ZFPM1: variants seen among roughly 807,000 people sequenced by gnomAD.
The protein encoded by ZFPM1 is zinc finger protein, FOG family member 1, also known as zinc finger protein ZFPM1.
In ZFPM1, 28 loss-of-function variants were observed where a neutral mutation model predicts 46.3. The ratio of observed to expected loss-of-function variants is 0.60; its 90% CI spans 0.45 to 0.83. The LOEUF (loss-of-function observed/expected upper bound fraction) is 0.83, where lower values mean the gene tolerates loss of function less well. Ranked by LOEUF, ZFPM1 falls within the 40% of genes least tolerant of loss-of-function variation. The probability of loss-of-function intolerance (pLI) is 0.00; values close to 1 mark genes in which losing one functional copy is unlikely to be tolerated. For synonymous variants in ZFPM1, 957 were observed against 675.9 expected (o/e 1.42, Z -6.45); for missense variants, 1,878 against 1,432.4 (o/e 1.31, Z -5.02).
chr16:88,485,622 T>C (rs939275460), intron 1 of ZFPM1, among the ~76,000 whole-genome samples: 48 of 152,042 alleles, frequency 3.2e-4, no homozygotes, highest in African/African-American at 1.1e-3. Context: ...GTATTTTTTA[T>C]AGAGACAGGG....
At chr16:88,452,666 C>T (rs1351175545), upstream of ZFPM1, among the ~76,000 whole-genome samples, 1 of 152,280 alleles carries the variant, frequency 6.6e-6, no homozygotes. Context: ...AGCCGGTTGT[C>T]ACTGCCCCCA....
intron 3 of ZFPM1, among the ~76,000 whole-genome samples, chr16:88,505,211 GC>G (rs907176010): frequency 6.6e-6 from 1 of 152,170 alleles, no homozygotes; most frequent in African/African-American, 2.4e-5. Flanking sequence ...TGGACGCCAG[GC>G]CCAGGCTTGG....
rs1420173390 is a variant in ZFPM1 at position 88,534,131 on chromosome 16, G to C, written c.2173G>C (p.Gly725Arg). Residue 725 changes from glycine (G) to arginine (R), a missense_variant, in exon 10 of 10, where the codon GGG becomes CGG. Gly to Arg is a moderately radical substitution (Grantham distance 125, BLOSUM62 -2). Coordinates refer to ENST00000319555, the MANE Select transcript of ZFPM1 (RefSeq NM_153813.3). ...RRPAAPPGPPGPAAPPAPSPA... is the reference protein window; with the variant it reads ...RRPAAPPGPPRPAAPPAPSPA... ...ACCGGCCGCGCCCCCGGGACCCCCTGGGCCGGCCGCGCCCCCGGCCCCCTC... is the reference window on the plus strand; with the variant it reads ...ACCGGCCGCGCCCCCGGGACCCCCTCGGCCGGCCGCGCCCCCGGCCCCCTC... 4.0e-6 allele frequency: 4 copies of C among 1,002,924 alleles called. No individual in the cohort carries two copies. Among genetic ancestry groups the C allele is most frequent in the Non-Finnish European group, 4.7e-6 (4 of 842,648 alleles). 62.1% of individuals were successfully genotyped at this position (1,002,924 alleles called of 1,614,324 possible).
chr16:88,490,732 T>C (rs1489605001), intron 3 of ZFPM1, among the ~76,000 whole-genome samples: 2 of 151,982 alleles, frequency 1.3e-5, no homozygotes. Flanking sequence ...CCCGGCCCCA[T>C]GGGGAAGCTG....
chr16:88,464,905 C>G (rs559074264), intron 1 of ZFPM1, among the ~76,000 whole-genome samples: 3 of 152,212 alleles, frequency 2.0e-5, no homozygotes, highest in African/African-American at 4.8e-5. Context: ...ACCAGCGATC[C>G]GCTGCCTATC....
chr16:88,492,482 G>A (rs970307641), intron 3 of ZFPM1, among the ~76,000 whole-genome samples: 1 of 152,222 alleles, frequency 6.6e-6, no homozygotes, highest in African/African-American at 2.4e-5. Context: ...GCTTTGGGGA[G>A]GTGACTGGGC....
At chr16:88,528,304 AGGGTGGGAGCTGAGGGT>A in intron 6 of ZFPM1, 66 bp downstream of exon 6, 2 of 1,321,388 alleles carry the variant, frequency 1.5e-6, no homozygotes, top group Non-Finnish European at 2.0e-6. Context: ...AGGGCAGGAG[AGGGTGGGAGCTGAGGGT>A]GGGAAGCTCG....
rs143116811 is a variant in ZFPM1, at chr16:88,524,404, G to A, written c.403-2410G>A. Among the ~76,000 whole-genome samples, 164 of 152,328 alleles carry A rather than the reference G, an allele frequency of 1.1e-3. 1 individual carries two copies. The highest frequency in any genetic ancestry group is 8.1e-3 in the East Asian group (42 of 5,156). Reference sequence around the variant, plus strand: ...GAGCCGGCAGAGCCCCACAGCTGGCGTGCAGTTCCTGAGCCCTGCTCTGCG... The same window carrying A: ...GAGCCGGCAGAGCCCCACAGCTGGCATGCAGTTCCTGAGCCCTGCTCTGCG... On this transcript the variant is annotated intron_variant, in intron 4 of 9. Coordinates refer to ENST00000319555, the MANE Select transcript of ZFPM1 (RefSeq NM_153813.3).
intron 4 of ZFPM1, among the ~76,000 whole-genome samples, chr16:88,521,477 C>T (rs1170006784): frequency 6.6e-6 from 1 of 151,802 alleles, no homozygotes; most frequent in African/African-American, 2.4e-5. Context: ...AGGGACCCCC[C>T]GCTAAGGTAT....
rs1341858650 is a variant in ZFPM1, at chr16:88,534,154, C to A, written c.2196C>A (p.Pro732=). 2 of 1,003,458 alleles carry A rather than the reference C, an allele frequency of 2.0e-6. No homozygotes were observed. The highest frequency in any genetic ancestry group is 1.8e-5 in the African/African-American group (1 of 56,738). The allele number at this position is 1,003,458 out of a possible 1,614,324, so 62.2% of individuals were successfully genotyped here. ...CTGGGCCGGCCGCGCCCCCGGCCCC[C>A]TCTCCCGCCGCGCCTGTGCGCACGC... ...GPPGPAAPPA[P]SPAAPVRTRR... The change falls in exon 10 of 10, where the codon CCC becomes CCA. Residue 732 remains proline, a synonymous_variant. Coordinates refer to ENST00000319555, the MANE Select transcript of ZFPM1 (RefSeq NM_153813.3).
intron 1 of ZFPM1, among the ~76,000 whole-genome samples, chr16:88,454,096 T>G (rs1907424698): frequency 6.6e-6 from 1 of 152,196 alleles, no homozygotes; most frequent in Non-Finnish European, 1.5e-5. Context: ...CGGGCTGAAA[T>G]TGTGATCTTA....
chr16:88,524,445 G>C (rs905456254), intron 4 of ZFPM1, among the ~76,000 whole-genome samples: 2 of 152,188 alleles, frequency 1.3e-5, no homozygotes, highest in African/African-American at 4.8e-5. Context: ...GGGAATCACG[G>C]GGGTGTCCTT....
chr16:88,532,502 G>C (rs1173696300), intron 7 of ZFPM1, 112 bp from the exon 8 acceptor site: 3 of 1,165,466 alleles, frequency 2.6e-6, no homozygotes, highest in East Asian at 5.2e-5. Flanking sequence ...AGACCCTTCA[G>C]CACAGGGTCC....
intron 1 of ZFPM1, among the ~76,000 whole-genome samples, chr16:88,458,813 C>G (rs900560679): frequency 6.6e-6 from 1 of 152,108 alleles, no homozygotes; most frequent in South Asian, 2.1e-4. Flanking sequence ...CTCCAGACCT[C>G]GTCTGCCACC....
At chr16:88,465,640 G>T (rs370141759) in intron 1 of ZFPM1, among the ~76,000 whole-genome samples, 2 of 152,252 alleles carry the variant, frequency 1.3e-5, no homozygotes, top group Admixed American at 1.3e-4. Context: ...CCATTGGCCA[G>T]CTGGGGAGGG....
Position 88,534,178 on chromosome 16 carries a change from G to A in ZFPM1, c.2220G>A (p.Thr740=), listed in dbSNP as rs1384226535. The change falls in exon 10 of 10, where the codon ACG becomes ACA. Residue 740 remains threonine (T), a synonymous_variant. Coordinates refer to ENST00000319555, the MANE Select transcript of ZFPM1 (RefSeq NM_153813.3). ...CCTCTCCCGCCGCGCCTGTGCGCACGCGCAGACGCCGCAAGCTCTACGAGC... is the reference window on the plus strand; with the variant it reads ...CCTCTCCCGCCGCGCCTGTGCGCACACGCAGACGCCGCAAGCTCTACGAGC... ...PAPSPAAPVR[T]RRRRKLYELH... 2.0e-6 allele frequency: 2 copies of A among 986,012 alleles called. No individual in the cohort carries two copies. Among genetic ancestry groups the A allele is most frequent in the African/African-American group, 1.8e-5 (1 of 54,648 alleles). 61.1% of individuals were successfully genotyped at this position (986,012 alleles called of 1,614,324 possible). A position where few individuals can be genotyped will look rare whatever the true frequency, so the allele number is the denominator to read the frequency against.
chr16:88,533,190 G>T lies in ZFPM1; in HGVS notation c.1232G>T (p.Gly411Val), dbSNP rs560441822. The T allele has an allele frequency of 1.3e-6, 2 of 1,533,606 alleles. No homozygotes were observed. Among genetic ancestry groups the T allele is most frequent in the East Asian group, 4.6e-5 (2 of 43,348 alleles). The allele number at this position is 1,533,606 out of a possible 1,614,324, so 95.0% of individuals were successfully genotyped here. A position where few individuals can be genotyped will look rare whatever the true frequency, so the allele number is the denominator to read the frequency against. ...CAGCAGCAGCACACGGCCCTGCAAG[G>T]CCCCCTGGCCTCCGCGGACCTGGGC... Reference protein sequence around the residue: ...SFQQQHTALQGPLASADLGLA... With the variant: ...SFQQQHTALQVPLASADLGLA... Residue 411 changes from glycine (G) to valine (V), a missense_variant, in exon 10 of 10, where the codon GGC becomes GTC. Coordinates refer to ENST00000319555, the MANE Select transcript of ZFPM1 (RefSeq NM_153813.3).
At chr16:88,518,737 GTGGATGGA>G (rs56367074) in intron 4 of ZFPM1, among the ~76,000 whole-genome samples, 5,020 of 126,180 alleles carry the variant, frequency 0.04, 127 homozygotes, top group African/African-American at 0.076. Flanking sequence ...GGCTGAGAGG[GTGGATGGA>G]TGGATGGATG....
At chr16:88,483,877 C>G (rs928628304) in intron 1 of ZFPM1, among the ~76,000 whole-genome samples, 1 of 152,238 alleles carries the variant, frequency 6.6e-6, no homozygotes, top group Non-Finnish European at 1.5e-5. Flanking sequence ...TTCCCGCCTC[C>G]CTGCTGCATG....
Sources: gnomAD v4.1 joint callset for allele counts (sites outside exome capture counted in the v4.1 genomes callset) on GRCh38, gnomAD v4.1.1 for gene constraint, MANE v1.5 for transcripts, NCBI Gene and HGNC (gene_info 2026-07-23, HGNC 2026-07-21) for gene names.